Variants in MYH16 observed in about 807,000 individuals in gnomAD.
The protein encoded by MYH16 is myosin heavy chain 16, also known as putative uncharacterized protein MYH16.
chr7:99,239,830 C>G (rs1791645637), intron 1 of MYH16, among the ~76,000 whole-genome samples: 1 of 152,142 alleles, frequency 6.6e-6, no homozygotes, highest in Non-Finnish European at 1.5e-5. Flanking sequence ...CCACCCTTCT[C>G]TCTGCTGGCC....
intron 32 of MYH16, among the ~76,000 whole-genome samples, chr7:99,292,833 G>A (rs1792408273): frequency 6.6e-6 from 1 of 152,248 alleles, no homozygotes; most frequent in African/African-American, 2.4e-5. Flanking sequence ...GGTGGCACGT[G>A]CCTGTAGTCT....
chr7:99,267,986 T>A (rs983655842), intron 18 of MYH16, among the ~76,000 whole-genome samples: 1 of 152,222 alleles, frequency 6.6e-6, no homozygotes, highest in Admixed American at 6.5e-5. Flanking sequence ...GCTTCCAGCA[T>A]GCCTGTGCCT....
downstream of MYH16, among the ~76,000 whole-genome samples, chr7:99,308,429 G>C (rs1165808963): frequency 6.6e-6 from 1 of 151,416 alleles, no homozygotes; most frequent in Non-Finnish European, 1.5e-5. Flanking sequence ...GGAGAGATTA[G>C]ATGGGGCTCA....
intron 10 of MYH16, chr7:99,257,994 T>C (rs73157602): frequency 0.061 from 9,284 of 152,252 alleles, 418 homozygotes; most frequent in African/African-American, 0.13. Flanking sequence ...TGTTTTCTCA[T>C]TGGCAAAATG....
chr7:99,293,323 G>A (rs1792420487), intron 32 of MYH16, among the ~76,000 whole-genome samples: 1 of 152,166 alleles, frequency 6.6e-6, no homozygotes, highest in Admixed American at 6.5e-5. Flanking sequence ...TGAAATTTCT[G>A]CTAATATGAT....
chr7:99,245,734 G>A (rs1791721339), intron 2 of MYH16, among the ~76,000 whole-genome samples: 2 of 152,214 alleles, frequency 1.3e-5, no homozygotes, highest in East Asian at 1.9e-4. Context: ...CACCATGTTG[G>A]TCACGCTGGT....
rs765431462 is a variant in MYH16, at chr7:99,283,498, A to G, written n.2993-67A>G. 6.7e-6 allele frequency: 3 copies of G among 450,934 alleles called. No homozygotes were observed. The Admixed American group carries it at 7.1e-5, about 11-fold the overall frequency. 27.9% of individuals were successfully genotyped at this position (450,934 alleles called of 1,614,324 possible). On this transcript the variant is annotated intron_variant and non_coding_transcript_variant, in intron 23 of 41. Transcript: ENST00000439784. ...CTGCATAGCTCAGAAGCGACGACTG[A>G]GGATCAGGACTGTTCAGCTGCTCCC...
At chr7:99,297,032 A>T (rs577811953) in intron 34 of MYH16, 115 bp downstream of exon 15, 18 of 376,972 alleles carry the variant, frequency 4.8e-5, no homozygotes, top group South Asian at 3.3e-4. Context: ...GGTGCTCAAT[A>T]AATGTTGACT....
chr7:99,261,024 G>A (rs1791932737), intron 12 of MYH16: 1 of 152,038 alleles, frequency 6.6e-6, no homozygotes, highest in Admixed American at 6.5e-5. Context: ...CCGAGATTGT[G>A]CCACTGCACT....
intron 10 of MYH16, chr7:99,258,010 T>G (rs980104858): frequency 1.3e-5 from 2 of 152,250 alleles, no homozygotes; most frequent in African/African-American, 4.8e-5. Flanking sequence ...AAATGGGATC[T>G]CCTCCACCCT....
chr7:99,310,929 T>C (rs568516736), downstream of MYH16: 5 of 152,150 alleles, frequency 3.3e-5, no homozygotes, highest in Admixed American at 6.5e-5. Flanking sequence ...GGAATGAAAA[T>C]GAGTGGGGCT....
chr7:99,260,052 C>A, intron 11 of MYH16: 1 of 818,850 alleles, frequency 1.2e-6, no homozygotes, highest in Non-Finnish European at 1.9e-6. Context: ...GTGCCTGACA[C>A]TAGTGGGCCC....
At chr7:99,281,033 G>A in intron 23 of MYH16, 53 bp downstream of exon 5, 1 of 287,672 alleles carries the variant, frequency 3.5e-6, no homozygotes, top group Non-Finnish European at 7.0e-6. Context: ...TTGGCACAAT[G>A]TGCTTTCCAT....
At chr7:99,277,480 C>T (rs913952181) in intron 20 of MYH16, 59 bp from the exon 3 acceptor site, 7 of 419,702 alleles carry the variant, frequency 1.7e-5, no homozygotes, top group Non-Finnish European at 2.9e-5. Context: ...CACAGCCCTC[C>T]GTCTACCCCC....
At chr7:99,257,564 T>C (rs575390643) in intron 10 of MYH16, 13 of 152,422 alleles carry the variant, frequency 8.5e-5, no homozygotes, top group African/African-American at 3.1e-4. Context: ...CCATGCATGT[T>C]CAGACATTGA....
intron 2 of MYH16, chr7:99,247,483 GCCT>G (rs1270511833): frequency 6.6e-6 from 1 of 152,542 alleles, no homozygotes; most frequent in African/African-American, 2.4e-5. Flanking sequence ...CAGAAAGCTT[GCCT>G]TCTTCACAGC....
At position 99,259,714 on chromosome 7, in the gene MYH16, ATATG is replaced by A. The variant is rs199996962; in HGVS notation, n.1405-448_1405-445del. 6.5e-3 allele frequency among the ~76,000 whole-genome samples: 966 copies of A among 149,372 alleles called. 10 individuals carry two copies. The highest frequency in any genetic ancestry group is 0.022 in the African/African-American group (907 of 40,756). Reference sequence around the variant, plus strand: ...AATATATATGTGTGTGTATATATATATATGTGTGTGTGTGTGTATATATATATTA... The same window carrying A: ...AATATATATGTGTGTGTATATATATATGTGTGTGTGTGTATATATATATTA... On this transcript the variant is annotated intron_variant and non_coding_transcript_variant, in intron 11 of 41. Transcript: ENST00000439784.
intron 6 of MYH16, among the ~76,000 whole-genome samples, chr7:99,252,256 T>C (rs926980706): frequency 2.0e-5 from 3 of 151,984 alleles, no homozygotes; most frequent in Non-Finnish European, 4.4e-5. Flanking sequence ...AGACGCCAAC[T>C]TGAGAGGAGC....
chr7:99,239,201 C>G lies in MYH16; in HGVS notation n.210+163C>G, dbSNP rs111474565. Among the ~76,000 whole-genome samples the G allele has an allele frequency of 8.0e-3, 1,217 of 152,320 alleles. 21 individuals are homozygous for G. The highest frequency in any genetic ancestry group is 0.027 in the African/African-American group (1,140 of 41,564). On this transcript the variant is annotated intron_variant and non_coding_transcript_variant, in intron 1 of 41. Coordinates refer to ENST00000439784, the Ensembl canonical transcript of MYH16. ...TCGCCTACACTCAAGCTGTGTGGCC[C>G]TGGGCAAGACGCATTCCCTCTCTGA...
Sources: gnomAD v4.1 joint callset for allele counts (sites outside exome capture counted in the v4.1 genomes callset) on GRCh38, gnomAD v4.1.1 for gene constraint, MANE v1.5 for transcripts, NCBI Gene and HGNC (gene_info 2026-07-23, HGNC 2026-07-21) for gene names.